AGAP1: variants seen among roughly 807,000 people sequenced by gnomAD.
The protein encoded by AGAP1 is arf-GAP with GTPase, ANK repeat and PH domain-containing protein 1.
Under a neutral mutation model 105.3 loss-of-function variants are expected in AGAP1, and 29 were observed. That is an observed-to-expected ratio of 0.28 (90% CI 0.21 to 0.38). AGAP1 has a LOEUF of 0.38. Ranked by LOEUF, AGAP1 falls within the 10% of genes least tolerant of loss-of-function variation. The pLI is 1.00. For synonymous variants in AGAP1, 509 were observed against 485.9 expected (o/e 1.05, Z -0.63); for missense variants, 998 against 1,165.1 (o/e 0.86, Z 2.09).
rs2055713845 is a variant in AGAP1, at chr2:235,994,684, G to A, written c.1645+26061G>A. ...CAGTGGAGAGCTCGGCTCAAAGTGCGAAGTTGTTTAGATTTCCACGTTACA... is the reference window on the plus strand; with the variant it reads ...CAGTGGAGAGCTCGGCTCAAAGTGCAAAGTTGTTTAGATTTCCACGTTACA... On this transcript the variant is annotated intron_variant, in intron 13 of 17. Coordinates refer to ENST00000304032, the MANE Select transcript of AGAP1 (RefSeq NM_001037131.3). The surrounding 1 kb of genome is among the most constrained non-coding windows in gnomAD (Gnocchi z 4.4). Among the ~76,000 whole-genome samples, 1 of 149,660 alleles carries A rather than the reference G, an allele frequency of 6.7e-6. No individual in the cohort carries two copies. The highest frequency in any genetic ancestry group is 6.7e-5 in the Admixed American group (1 of 15,034).
chr2:236,000,878 G>T lies in AGAP1; in HGVS notation c.1645+32255G>T, dbSNP rs1354694755. 6.6e-6 allele frequency among the ~76,000 whole-genome samples: 1 copy of T among 152,198 alleles called. No homozygotes were observed. The highest frequency in any genetic ancestry group is 2.4e-5 in the African/African-American group (1 of 41,452). ...GAGAGTGGCTGATGAGAAAGGGCCT[G>T]TGTGGAAGGAACCAGGGCCAAGCGA... On this transcript the variant is annotated intron_variant, in intron 13 of 17. Transcript: ENST00000304032. This position sits in a 1 kb window ranked among gnomAD's most constrained non-coding sequence, Gnocchi z 4.3.
intron 13 of AGAP1, among the ~76,000 whole-genome samples, chr2:235,991,936 C>A (rs768674267): frequency 2.6e-5 from 4 of 152,024 alleles, no homozygotes; most frequent in Non-Finnish European, 4.4e-5. Flanking sequence ...TTCAGACTTG[C>A]AAAAAAACGC....
rs559097205 is a variant in AGAP1, at chr2:236,058,937, G to A, written c.2114+9656G>A. 3.5e-4 allele frequency among the ~76,000 whole-genome samples: 54 copies of A among 152,304 alleles called. No homozygotes were observed. The highest frequency in any genetic ancestry group is 1.8e-3 in the Admixed American group (28 of 15,294). ...CCCAGCTACTCAAGAGGCTCAGGCAGGAGGATTGCTTGAGCCCAGGATTTC... is the reference window on the plus strand; with the variant it reads ...CCCAGCTACTCAAGAGGCTCAGGCAAGAGGATTGCTTGAGCCCAGGATTTC... On this transcript the variant is annotated intron_variant, in intron 16 of 17. Coordinates refer to ENST00000304032, the MANE Select transcript of AGAP1 (RefSeq NM_001037131.3). The surrounding 1 kb of genome is among the most constrained non-coding windows in gnomAD (Gnocchi z 4.6).
rs1575734368 is a variant in AGAP1, at chr2:235,900,715, A to T, written c.1156-8023A>T. Reference sequence around the variant, plus strand: ...ATTCTATTAATCCAGCTGCTTCAGGATGATGGGGAACATGGTAAGACCAGT... The same window carrying T: ...ATTCTATTAATCCAGCTGCTTCAGGTTGATGGGGAACATGGTAAGACCAGT... On this transcript the variant is annotated intron_variant, in intron 10 of 17. Transcript: ENST00000304032. The surrounding 1 kb of genome is among the most constrained non-coding windows in gnomAD (Gnocchi z 5.5). Among the ~76,000 whole-genome samples, 3 of 152,192 alleles carry T rather than the reference A, an allele frequency of 2.0e-5. No individual in the cohort carries two copies. The highest frequency in any genetic ancestry group is 3.9e-4 in the East Asian group (2 of 5,180).
chr2:235,583,469 CCT>C (rs1252333503), intron 1 of AGAP1, among the ~76,000 whole-genome samples: 2 of 151,878 alleles, frequency 1.3e-5, no homozygotes, highest in Admixed American at 1.3e-4. Flanking sequence ...TGGTTGTTGG[CCT>C]GATAGGAAGA....
At chr2:235,796,572 A>G (rs1957253705) in intron 6 of AGAP1, among the ~76,000 whole-genome samples, 1 of 152,208 alleles carries the variant, frequency 6.6e-6, no homozygotes, top group Non-Finnish European at 1.5e-5. Context: ...TTTTTTATAT[A>G]TTGCATTTTC....
intron 9 of AGAP1, among the ~76,000 whole-genome samples, chr2:235,873,436 T>C (rs954843258): frequency 1.3e-5 from 2 of 152,222 alleles, no homozygotes; most frequent in Non-Finnish European, 2.9e-5. Context: ...GAACAGCCTT[T>C]TAAAATTATT....
rs1448210025 is a variant in AGAP1, at chr2:235,751,847, G to A, written c.673+1359G>A. 6.6e-6 allele frequency among the ~76,000 whole-genome samples: 1 copy of A among 152,210 alleles called. No individual in the cohort carries two copies. Among genetic ancestry groups the A allele is most frequent in the Non-Finnish European group, 1.5e-5 (1 of 68,036 alleles). On this transcript the variant is annotated intron_variant, in intron 6 of 17. Transcript: ENST00000304032. This position sits in a 1 kb window ranked among gnomAD's most constrained non-coding sequence, Gnocchi z 5.3. Reference sequence around the variant, plus strand: ...CTGAAGAAGCGCAGGGTCCCCTGAGGATCAGCACAAAGTCGCTGGGGTCCC... The same window carrying A: ...CTGAAGAAGCGCAGGGTCCCCTGAGAATCAGCACAAAGTCGCTGGGGTCCC...
intron 1 of AGAP1, among the ~76,000 whole-genome samples, chr2:235,533,816 C>G (rs1340151902): frequency 2.0e-5 from 3 of 152,230 alleles, no homozygotes; most frequent in Non-Finnish European, 4.4e-5. Flanking sequence ...CCCGCTGGCC[C>G]CTCTGTGCTG....
chr2:235,819,540 A>G (rs555814356), intron 9 of AGAP1, among the ~76,000 whole-genome samples: 3 of 152,198 alleles, frequency 2.0e-5, no homozygotes, highest in African/African-American at 7.2e-5. Flanking sequence ...TCACAAATAG[A>G]TGACTCTTTG....
intron 1 of AGAP1, among the ~76,000 whole-genome samples, chr2:235,703,449 TG>T (rs68110743): frequency 0.031 from 4,699 of 152,248 alleles, 206 homozygotes; most frequent in African/African-American, 0.09. Context: ...GAGCTTCCTC[TG>T]TGGGTAGTTG....
chr2:235,862,504 T>C (rs1248351853), intron 9 of AGAP1, among the ~76,000 whole-genome samples: 1 of 152,222 alleles, frequency 6.6e-6, no homozygotes, highest in Non-Finnish European at 1.5e-5. Context: ...GAGTGCTGTG[T>C]TGAGAAGGCT....
At chr2:235,496,841 G>A (rs1941341113) in intron 1 of AGAP1, among the ~76,000 whole-genome samples, 1 of 152,038 alleles carries the variant, frequency 6.6e-6, no homozygotes, top group Admixed American at 6.5e-5. Flanking sequence ...GAGATTTTAG[G>A]CCCCTTCTTG....
At chr2:235,703,429 G>A (rs1425378050) in intron 1 of AGAP1, among the ~76,000 whole-genome samples, 1 of 151,918 alleles carries the variant, frequency 6.6e-6, no homozygotes, top group Non-Finnish European at 1.5e-5. Flanking sequence ...TACCCCCAAA[G>A]GTAATAGGAG....
At position 235,559,120 on chromosome 2, in the gene AGAP1, T is replaced by A. The variant is rs1337631830; in HGVS notation, c.163+64271T>A. Among the ~76,000 whole-genome samples, 2 of 151,954 alleles carry A rather than the reference T, an allele frequency of 1.3e-5. No individual in the cohort carries two copies. Among genetic ancestry groups the A allele is most frequent in the East Asian group, 3.9e-4 (2 of 5,168 alleles). On this transcript the variant is annotated intron_variant, in intron 1 of 17. Coordinates refer to ENST00000304032, the MANE Select transcript of AGAP1 (RefSeq NM_001037131.3). The surrounding 1 kb of genome is among the most constrained non-coding windows in gnomAD (Gnocchi z 5.7). ...TGTATTCGTGTGTGTGTAGGTGGGG[T>A]CTTGCCATGTTGCCCAGGCTGGTCT...
chr2:236,070,545 A>C (rs1444879100), intron 16 of AGAP1, among the ~76,000 whole-genome samples: 1 of 152,226 alleles, frequency 6.6e-6, no homozygotes, highest in Non-Finnish European at 1.5e-5. Context: ...AACAAACTAA[A>C]ATGTCTATCC....
Position 236,076,327 on chromosome 2 carries a change from A to C in AGAP1, c.2114+27046A>C, listed in dbSNP as rs1464165569. ...GCCAGGCATGGTGGCATGAGCCCAT[A>C]ATCCCAGCTACTTGGGAGGCTGAGG... is the stretch of plus-strand genomic sequence containing the variant. On this transcript the variant is annotated intron_variant, in intron 16 of 17. Coordinates refer to ENST00000304032, the MANE Select transcript of AGAP1 (RefSeq NM_001037131.3). This position sits in a 1 kb window ranked among gnomAD's most constrained non-coding sequence, Gnocchi z 4.4. 2.0e-5 allele frequency among the ~76,000 whole-genome samples: 3 copies of C among 152,090 alleles called. No individual in the cohort carries two copies. Among genetic ancestry groups the C allele is most frequent in the African/African-American group, 7.2e-5 (3 of 41,408 alleles).
rs1289103939 is a variant in AGAP1 at position 235,864,565 on chromosome 2, G to A, written c.1051-18780G>A. ...GCAGGTCAGCATGGAGGGGCAGCCT[G>A]CAGAGGTGTCACCAGCAGCCATTAA... is the stretch of plus-strand genomic sequence containing the variant. On this transcript the variant is annotated intron_variant, in intron 9 of 17. Transcript: ENST00000304032. This position sits in a 1 kb window ranked among gnomAD's most constrained non-coding sequence, Gnocchi z 5.0. 6.6e-6 allele frequency among the ~76,000 whole-genome samples: 1 copy of A among 152,212 alleles called. No individual in the cohort carries two copies. Among genetic ancestry groups the A allele is most frequent in the African/African-American group, 2.4e-5 (1 of 41,462 alleles).
Position 235,601,261 on chromosome 2 carries a change from C to T in AGAP1, c.163+106412C>T, listed in dbSNP as rs1167618942. Among the ~76,000 whole-genome samples the T allele has an allele frequency of 1.3e-5, 2 of 152,156 alleles. No individual in the cohort carries two copies. The highest frequency in any genetic ancestry group is 4.8e-5 in the African/African-American group (2 of 41,436). On this transcript the variant is annotated intron_variant, in intron 1 of 17. Coordinates refer to ENST00000304032, the MANE Select transcript of AGAP1 (RefSeq NM_001037131.3). The surrounding 1 kb of genome is among the most constrained non-coding windows in gnomAD (Gnocchi z 4.4). ...GCAGATAGTTCCTCCTTACTGTGTC[C>T]TCTCTGTGCTTGGGGGTGGGGAGAG...
Sources: allele counts gnomAD v4.1 joint callset (sites outside exome capture counted in the v4.1 genomes callset), GRCh38; gene constraint gnomAD v4.1.1; non-coding constraint Gnocchi (gnomAD v3.1); transcripts MANE v1.5; gene names NCBI Gene and HGNC (gene_info 2026-07-23, HGNC 2026-07-21).